The following SCUBE1 variants were observed in gnomAD, a reference collection of about 807,000 sequenced individuals.
SCUBE1 encodes signal peptide, CUB domain and EGF like domain containing 1.
A neutral mutation model predicts 124.4 loss-of-function variants in SCUBE1; 59 were observed. The observed-to-expected ratio is 0.47, with a 90% CI of 0.38 to 0.59. The LOEUF is 0.59. SCUBE1 is among the 20% of genes least tolerant of loss of function. The pLI, the probability that SCUBE1 is intolerant of heterozygous loss-of-function variation, is 0.00. For synonymous variants in SCUBE1, 545 were observed against 550.9 expected, an observed-to-expected ratio of 0.99 and a Z score of 0.15; for missense variants, 1,150 against 1,371.2, an observed-to-expected ratio of 0.84 and a Z score of 2.55.
chr22:43,233,366 A>G (rs1922633704), intron 7 of SCUBE1: 1 of 152,270 alleles, frequency 6.6e-6, no homozygotes, highest in Admixed American at 6.5e-5. Flanking sequence ...CTCCATCTCA[A>G]ACAAAATAAT....
intron 2 of SCUBE1, among the ~76,000 whole-genome samples, chr22:43,338,525 C>CT (rs1176717333): frequency 6.6e-6 from 1 of 151,930 alleles, no homozygotes; most frequent in Non-Finnish European, 1.5e-5. Flanking sequence ...ATTTCTTTTT[C>CT]TTTCTTTTCT....
chr22:43,295,424 G>T (rs1236902775), intron 3 of SCUBE1, among the ~76,000 whole-genome samples: 1 of 152,262 alleles, frequency 6.6e-6, no homozygotes, highest in Non-Finnish European at 1.5e-5. Flanking sequence ...GGCCAAGAGT[G>T]ATTACTCAAG....
rs1921096356 is a variant in SCUBE1 at position 43,203,619 on chromosome 22, TG to T, written c.*377del. The T allele has an allele frequency of 1.1e-5, 2 of 184,060 alleles. No homozygotes were observed. Among genetic ancestry groups the T allele is most frequent in the African/African-American group, 4.8e-5 (2 of 41,962 alleles). The allele number at this position is 184,060 out of a possible 1,614,324, so 11.4% of individuals were successfully genotyped here. On this transcript the variant is annotated 3_prime_UTR_variant, in exon 22 of 22. Coordinates refer to ENST00000360835, the MANE Select transcript of SCUBE1 (RefSeq NM_173050.5). Reference sequence around the variant, plus strand: ...CGCCTTTGTCCCCTCCTCTCTCCCCTGGACTCCTGTCTCGGATGACCACGCC... The same window carrying T: ...CGCCTTTGTCCCCTCCTCTCTCCCCTGACTCCTGTCTCGGATGACCACGCC...
rs184429864 is a variant in SCUBE1, at chr22:43,248,972, G to T, written c.727+9247C>A. ...CAAGGCCCTGTGCTGTGCCCTGAGG[G>T]GGGGCACCAAGCTGGAAAAGACCTA... is the stretch of plus-strand genomic sequence containing the variant. On this transcript the variant is annotated intron_variant, in intron 6 of 21. Transcript: ENST00000360835. Among the ~76,000 whole-genome samples the T allele has an allele frequency of 1.1e-4, 16 of 152,336 alleles. No individual in the cohort carries two copies. The East Asian group carries it at 2.7e-3, about 26-fold the overall frequency.
chr22:43,210,625 CAG>C lies in SCUBE1; in HGVS notation c.2383+295_2383+296del, dbSNP rs1921506425. ...AGGCTGTCAGCCCCCCCAGCAGACC[CAG>C]AAACTAGAGCAGGGCCTGGCCCAGG... On this transcript the variant is annotated intron_variant, in intron 18 of 21. Coordinates refer to ENST00000360835, the MANE Select transcript of SCUBE1 (RefSeq NM_173050.5). The surrounding 1 kb of genome is among the most constrained non-coding windows in gnomAD (Gnocchi z 4.5). Among the ~76,000 whole-genome samples the C allele has an allele frequency of 6.6e-6, 1 of 152,212 alleles. No homozygotes were observed.
chr22:43,272,708 C>T (rs1271555866), intron 4 of SCUBE1, among the ~76,000 whole-genome samples: 1 of 152,212 alleles, frequency 6.6e-6, no homozygotes. Context: ...TTGATGAGCT[C>T]ACCGGGCACG....
rs7364313 is a variant in SCUBE1 at position 43,210,611 on chromosome 22, C to G, written c.2383+311G>C. 4.8e-3 allele frequency among the ~76,000 whole-genome samples: 731 copies of G among 152,218 alleles called. 3 individuals carry two copies. Among genetic ancestry groups the G allele is most frequent in the African/African-American group, 0.016 (644 of 41,538 alleles). On this transcript the variant is annotated intron_variant, in intron 18 of 21. Transcript: ENST00000360835. The surrounding 1 kb of genome is among the most constrained non-coding windows in gnomAD (Gnocchi z 4.5). ...GTCAGTGCCCCTGTAGGCTGTCAGCCCCCCCAGCAGACCCAGAAACTAGAG... is the reference window on the plus strand; with the variant it reads ...GTCAGTGCCCCTGTAGGCTGTCAGCGCCCCCAGCAGACCCAGAAACTAGAG...
In SCUBE1 at chr22:43,324,843, A is replaced by AT. The variant is rs529187505; in HGVS notation, c.221-4779dup. Among the ~76,000 whole-genome samples, 702 of 151,276 alleles carry AT rather than the reference A, an allele frequency of 4.6e-3. 2 individuals are homozygous for AT. Among genetic ancestry groups the AT allele is most frequent in the Non-Finnish European group, 7.0e-3 (476 of 67,898 alleles). ...TTCTTAAAGGGCTGTTGTGGATTAA[A>AT]TTGTGTCCCCGCAAAAAGATATGTT... On this transcript the variant is annotated intron_variant, in intron 2 of 21. Coordinates refer to ENST00000360835, the MANE Select transcript of SCUBE1 (RefSeq NM_173050.5).
At chr22:43,340,487 C>T (rs1927276829) in intron 1 of SCUBE1, among the ~76,000 whole-genome samples, 1 of 46,760 alleles carries the variant, frequency 2.1e-5, no homozygotes, top group African/African-American at 1.2e-4. Flanking sequence ...CTTTTACACA[C>T]ACACACACAC....
At position 43,234,994 on chromosome 22, in the gene SCUBE1, C is replaced by T. The variant is rs1922699767; in HGVS notation, c.845-3119G>A. Among the ~76,000 whole-genome samples the T allele has an allele frequency of 6.6e-6, 1 of 152,204 alleles. No individual in the cohort carries two copies. The highest frequency in any genetic ancestry group is 2.1e-4 in the South Asian group (1 of 4,824). ...AAAACGGCCCTTCCAGAAAGCCTTT[C>T]CCAGTGTTTTTCCAGAGCCAGTAGC... On this transcript the variant is annotated intron_variant, in intron 7 of 21. Coordinates refer to ENST00000360835, the MANE Select transcript of SCUBE1 (RefSeq NM_173050.5). The surrounding 1 kb of genome is among the most constrained non-coding windows in gnomAD (Gnocchi z 4.4).
At chr22:43,325,760 C>A (rs971958546) in intron 2 of SCUBE1, among the ~76,000 whole-genome samples, 1 of 151,958 alleles carries the variant, frequency 6.6e-6, no homozygotes, top group African/African-American at 2.4e-5. Flanking sequence ...AAGACAGCTC[C>A]CAGCATCTAA....
chr22:43,339,990 TC>T (rs113983441), intron 1 of SCUBE1, among the ~76,000 whole-genome samples: 27 of 53,332 alleles, frequency 5.1e-4, no homozygotes, highest in African/African-American at 2.1e-3. Context: ...GCTCCAACCC[TC>T]CCCCCACTCT....
At chr22:43,322,001 T>A (rs535269899) in intron 2 of SCUBE1, among the ~76,000 whole-genome samples, 133 of 152,312 alleles carry the variant, frequency 8.7e-4, no homozygotes, top group Middle Eastern at 3.4e-3. Flanking sequence ...TTATTTATTT[T>A]TTTGTCAGTG....
chr22:43,209,815 A>ATACC (rs1359994574), intron 19 of SCUBE1, among the ~76,000 whole-genome samples: 1 of 152,194 alleles, frequency 6.6e-6, no homozygotes, highest in Non-Finnish European at 1.5e-5. Flanking sequence ...CACTCTCGGA[A>ATACC]TACCCTAAGC....
chr22:43,210,345 G>C lies in SCUBE1; in HGVS notation c.2384-105C>G. 1 of 970,430 alleles carries C rather than the reference G, an allele frequency of 1.0e-6. No homozygotes were observed. Among genetic ancestry groups the C allele is most frequent in the Non-Finnish European group, 1.4e-6 (1 of 694,044 alleles). The allele number at this position is 970,430 out of a possible 1,614,324, so 60.1% of individuals were successfully genotyped here. The stretch of plus-strand genomic sequence containing the variant: ...GAGGCCTAGGGCAGGGCTGGAAGGT[G>C]CTCTTGTCCCCCCCCACACTAGCCC... On this transcript the variant is annotated intron_variant, in intron 18 of 21. Coordinates refer to ENST00000360835, the MANE Select transcript of SCUBE1 (RefSeq NM_173050.5). This position sits in a 1 kb window ranked among gnomAD's most constrained non-coding sequence, Gnocchi z 4.5.
chr22:43,327,011 C>A (rs1003640534), intron 2 of SCUBE1, among the ~76,000 whole-genome samples: 2 of 152,162 alleles, frequency 1.3e-5, no homozygotes, highest in African/African-American at 4.8e-5. Context: ...TCCATGAGAA[C>A]GAGAACTGTG....
intron 16 of SCUBE1, chr22:43,213,767 C>A: frequency 4.7e-6 from 1 of 214,354 alleles, no homozygotes; most frequent in Middle Eastern, 1.7e-3. Flanking sequence ...ACTTATGTAC[C>A]TCCCTTAGAA....
chr22:43,250,918 A>G (rs1037261151), intron 6 of SCUBE1, among the ~76,000 whole-genome samples: 6 of 152,134 alleles, frequency 3.9e-5, no homozygotes, highest in Admixed American at 6.5e-5. Flanking sequence ...TCTGCTCCTA[A>G]CCTGGGGCCC....
chr22:43,250,962 C>T (rs1182813059), intron 6 of SCUBE1, among the ~76,000 whole-genome samples: 1 of 152,218 alleles, frequency 6.6e-6, no homozygotes, highest in East Asian at 1.9e-4. Context: ...GGGACTTTGG[C>T]CCAGGCTTTG....
Sources: allele counts gnomAD v4.1 joint callset (sites outside exome capture counted in the v4.1 genomes callset), GRCh38; gene constraint gnomAD v4.1.1; non-coding constraint Gnocchi (gnomAD v3.1); transcripts MANE v1.5; gene names NCBI Gene and HGNC (gene_info 2026-07-23, HGNC 2026-07-21).